PDS5A: variants seen among roughly 807,000 people sequenced by gnomAD.
PDS5A encodes the protein sister chromatid cohesion protein PDS5 homolog A.
In PDS5A, 42 loss-of-function variants were observed where a neutral mutation model predicts 167.1. That is an observed-to-expected ratio of 0.25 (90% CI 0.20 to 0.33). The LOEUF is 0.33. Among genes scored for constraint, PDS5A ranks in the 10% least tolerant of loss-of-function variants. PDS5A has a pLI of 1.00. For missense variants in PDS5A, 1,033 were observed against 1,605.9 expected (o/e 0.64, Z 6.10); for synonymous variants, 553 against 554.6 (o/e 1.00, Z 0.04).
chr4:39,916,953 A>G, intron 8 of PDS5A, 95 bp downstream of exon 8: 1 of 582,934 alleles, frequency 1.7e-6, no homozygotes, highest in African/African-American at 2.0e-5. Context: ...TTTTCCTGGA[A>G]AGTTTAAAGG....
chr4:39,894,131 G>C (rs1366149628), intron 16 of PDS5A, among the ~76,000 whole-genome samples: 3 of 152,184 alleles, frequency 2.0e-5, no homozygotes, highest in Admixed American at 2.0e-4. Context: ...AGCTTATTGG[G>C]CATGGTGGAT....
intron 4 of PDS5A, 50 bp downstream of exon 4, chr4:39,926,725 G>A: frequency 8.6e-7 from 1 of 1,158,218 alleles, no homozygotes. Context: ...TGAAGAATTT[G>A]CTATCATGTG....
At chr4:39,968,105 T>C (rs914342367) in intron 2 of PDS5A, among the ~76,000 whole-genome samples, 2 of 152,196 alleles carry the variant, frequency 1.3e-5, no homozygotes, top group Admixed American at 1.3e-4. Context: ...CACAGCTATT[T>C]ATAAGTGTAT....
At chr4:39,857,351 C>CAA (rs1188060445) in intron 26 of PDS5A, among the ~76,000 whole-genome samples, 7 of 67,700 alleles carry the variant, frequency 1.0e-4, no homozygotes, top group East Asian at 3.5e-4. Flanking sequence ...GACTCCATCT[C>CAA]AAAAAAAAAA....
At chr4:39,910,186 A>G (rs959352337) in intron 10 of PDS5A, 58 bp downstream of exon 10, 7 of 852,868 alleles carry the variant, frequency 8.2e-6, no homozygotes, top group Middle Eastern at 2.2e-4. Flanking sequence ...GTCACAAGTC[A>G]TATCTACAAT....
At chr4:39,871,711 A>AGGAG (rs1560443115) in intron 21 of PDS5A, among the ~76,000 whole-genome samples, 2 of 151,974 alleles carry the variant, frequency 1.3e-5, no homozygotes, top group Non-Finnish European at 2.9e-5. Context: ...TTATTTATTT[A>AGGAG]TTTATTTTTT....
intron 2 of PDS5A, 71 bp downstream of exon 2, chr4:39,976,369 T>C (rs1355724863): frequency 7.4e-7 from 1 of 1,342,340 alleles, no homozygotes; most frequent in Non-Finnish European, 1.0e-6. Context: ...AAGGCCAGAC[T>C]GAGCAGGGTA....
At chr4:39,949,832 A>AAAAAAAAAAAAAAAAAAAAAAAAAAAAC (rs1728174835) in intron 2 of PDS5A, among the ~76,000 whole-genome samples, 1 of 150,900 alleles carries the variant, frequency 6.6e-6, no homozygotes, top group Non-Finnish European at 1.5e-5. Context: ...AAAAAAAAAA[A>AAAAAAAAAAAAAAAAAAAAAAAAAAAAC]AAAGAAAAAC....
chr4:39,854,319 C>G (rs1033721673), intron 26 of PDS5A, among the ~76,000 whole-genome samples: 1 of 152,004 alleles, frequency 6.6e-6, no homozygotes, highest in Admixed American at 6.6e-5. Flanking sequence ...TAAACAAAAA[C>G]AAAAATAAAA....
chr4:39,897,509 C>T (rs1722520364), intron 16 of PDS5A, among the ~76,000 whole-genome samples: 1 of 152,132 alleles, frequency 6.6e-6, no homozygotes, highest in Non-Finnish European at 1.5e-5. Context: ...AGCAATTCTC[C>T]TGTCTCAGCC....
intron 32 of PDS5A, among the ~76,000 whole-genome samples, chr4:39,832,252 C>T (rs1360776196): frequency 2.0e-5 from 3 of 151,192 alleles, no homozygotes; most frequent in East Asian, 2.0e-4. Context: ...CTCACTCTGT[C>T]GCCCAGGCTG....
intron 11 of PDS5A, 61 bp from the exon 12 acceptor site, chr4:39,904,252 G>A: frequency 8.1e-7 from 1 of 1,240,468 alleles, no homozygotes; most frequent in Non-Finnish European, 1.1e-6. Flanking sequence ...AATCTCCAAA[G>A]ACTGCCTTGG....
At chr4:39,884,024 G>A (rs892187098) in intron 17 of PDS5A, among the ~76,000 whole-genome samples, 2 of 151,666 alleles carry the variant, frequency 1.3e-5, no homozygotes, top group Admixed American at 1.3e-4. Flanking sequence ...CGCCTCCTAG[G>A]TTCAAGTGAT....
intron 5 of PDS5A, among the ~76,000 whole-genome samples, chr4:39,925,288 G>C (rs905987148): frequency 6.6e-6 from 1 of 152,122 alleles, no homozygotes; most frequent in Non-Finnish European, 1.5e-5. Flanking sequence ...TACACTTCCT[G>C]ACTCTGGATT....
intron 2 of PDS5A, among the ~76,000 whole-genome samples, chr4:39,950,243 A>G (rs1050804534): frequency 2.6e-5 from 4 of 152,090 alleles, no homozygotes; most frequent in Non-Finnish European, 5.9e-5. Context: ...TATGAGAATT[A>G]TATCTCAACA....
chr4:39,839,703 A>C (rs1394471217), intron 31 of PDS5A, among the ~76,000 whole-genome samples: 1 of 145,530 alleles, frequency 6.9e-6, no homozygotes, highest in Admixed American at 6.8e-5. Context: ...TGATGACTAC[A>C]ATAAGTATAT....
At chr4:39,923,203 C>T (rs1725151554) in intron 5 of PDS5A, among the ~76,000 whole-genome samples, 1 of 151,524 alleles carries the variant, frequency 6.6e-6, no homozygotes, top group African/African-American at 2.4e-5. Flanking sequence ...TGGCGGGCAC[C>T]TGGAATTCCA....
At chr4:39,886,987 C>T (rs1011176098) in intron 17 of PDS5A, among the ~76,000 whole-genome samples, 2 of 151,956 alleles carry the variant, frequency 1.3e-5, no homozygotes, top group South Asian at 2.1e-4. Flanking sequence ...TGCAACTATA[C>T]TGAATTCATT....
At chr4:39,927,044 T>C (rs1725538475) in intron 3 of PDS5A, among the ~76,000 whole-genome samples, 183 bp from the exon 4 acceptor site, 1 of 152,198 alleles carries the variant, frequency 6.6e-6, no homozygotes, top group Non-Finnish European at 1.5e-5. Flanking sequence ...TCAAATAAAA[T>C]TATACTCTTT....
Sources: allele counts gnomAD v4.1 joint callset (sites outside exome capture counted in the v4.1 genomes callset), GRCh38; gene constraint gnomAD v4.1.1; transcripts MANE v1.5; gene names NCBI Gene and HGNC (gene_info 2026-07-23, HGNC 2026-07-21).